The following HPSE2 variants were observed in gnomAD, a reference collection of about 807,000 sequenced individuals.
The protein encoded by HPSE2 is inactive heparanase-2.
A neutral mutation model predicts 60.5 loss-of-function variants in HPSE2; 38 were observed. The ratio of observed to expected loss-of-function variants is 0.63; its 90% CI spans 0.48 to 0.82. HPSE2 has a LOEUF of 0.82. Among genes scored for constraint, HPSE2 ranks in the 40% least tolerant of loss-of-function variants. HPSE2 has a pLI of 0.00. For synonymous variants in HPSE2, 295 were observed against 293.2 expected (o/e 1.01, Z -0.06); for missense variants, 713 against 740.4 (o/e 0.96, Z 0.43).
At chr10:99,244,921 C>A in the HPSE2 span, among the ~76,000 whole-genome samples, 1 of 151,900 alleles carries the variant, frequency 6.6e-6, no homozygotes, top group Non-Finnish European at 1.5e-5. Context: ...ATAAGCAGAT[C>A]CAAGAACTTC....
chr10:99,310,487 G>A, the HPSE2 span, among the ~76,000 whole-genome samples: 2 of 152,138 alleles, frequency 1.3e-5, no homozygotes, highest in Admixed American at 1.3e-4. Context: ...ATTGTAAAGT[G>A]TAAATAGTTA....
Position 99,235,608 on chromosome 10 carries a change from C to T in HPSE2, c.195G>A (p.Val65=), listed in dbSNP as rs958344183. The change falls in exon 1 of 12, where the codon GTG becomes GTA. Residue 65 remains valine, a synonymous_variant. Transcript: ENST00000370552. ...LKEKTLILLD[V]STKNPVRTVN... The stretch of plus-strand genomic sequence containing the variant: ...CTGTCCTGACTGGGTTCTTGGTGCT[C>T]ACATCAAGTAGAATCAGGGTCTTTT... 3.1e-6 allele frequency: 5 copies of T among 1,613,894 alleles called. No individual in the cohort carries two copies. The African/African-American group carries it at 4.0e-5, about 13-fold the overall frequency.
At chr10:98,482,574 G>A (rs1238860393) in intron 11 of HPSE2, 62 bp downstream of exon 11, 1 of 1,604,770 alleles carries the variant, frequency 6.2e-7, no homozygotes, top group Admixed American at 1.7e-5. Flanking sequence ...GGTGTCTTCA[G>A]CCTCCCCCTC....
At chr10:98,639,249 G>A (rs960157431) in intron 7 of HPSE2, among the ~76,000 whole-genome samples, 1 of 152,150 alleles carries the variant, frequency 6.6e-6, no homozygotes, top group Non-Finnish European at 1.5e-5. Context: ...CAGATATCAT[G>A]GAGCAGAGAC....
At chr10:98,556,254 G>C (rs1311268202) in intron 9 of HPSE2, among the ~76,000 whole-genome samples, 1 of 152,186 alleles carries the variant, frequency 6.6e-6, no homozygotes, top group African/African-American at 2.4e-5. Flanking sequence ...CCAGAGCACA[G>C]GACATGCAAA....
the HPSE2 span, among the ~76,000 whole-genome samples, chr10:99,275,463 C>T: frequency 6.6e-6 from 1 of 152,064 alleles, no homozygotes; most frequent in Non-Finnish European, 1.5e-5. Flanking sequence ...GGGAATATTA[C>T]TAATAAGTAA....
chr10:98,740,108 G>T (rs1278646552), intron 4 of HPSE2, among the ~76,000 whole-genome samples: 1 of 151,810 alleles, frequency 6.6e-6, no homozygotes, highest in Non-Finnish European at 1.5e-5. Flanking sequence ...TCCAAAGAAA[G>T]TAATTGTAAA....
At chr10:99,095,409 T>C (rs1843686924) in intron 3 of HPSE2, among the ~76,000 whole-genome samples, 1 of 152,234 alleles carries the variant, frequency 6.6e-6, no homozygotes, top group Admixed American at 6.5e-5. Flanking sequence ...TTCAGTGGGA[T>C]GGAATTCTGC....
chr10:98,504,422 T>C (rs971090448), intron 9 of HPSE2, among the ~76,000 whole-genome samples: 1 of 152,186 alleles, frequency 6.6e-6, no homozygotes, highest in Non-Finnish European at 1.5e-5. Context: ...GTGTTTTCCA[T>C]ATACAGCAGA....
At chr10:98,918,138 A>G (rs961809909) in intron 3 of HPSE2, among the ~76,000 whole-genome samples, 22 of 152,220 alleles carry the variant, frequency 1.4e-4, no homozygotes, top group African/African-American at 5.1e-4. Flanking sequence ...TAAAAGCATC[A>G]ACAATAACAA....
the HPSE2 span, among the ~76,000 whole-genome samples, chr10:99,311,435 T>A: frequency 6.6e-6 from 1 of 152,250 alleles, no homozygotes; most frequent in Non-Finnish European, 1.5e-5. Flanking sequence ...TTGTTAATAT[T>A]TCAAGCTTTT....
intron 9 of HPSE2, among the ~76,000 whole-genome samples, chr10:98,563,498 A>G (rs2133880101): frequency 6.6e-6 from 1 of 152,330 alleles, no homozygotes; most frequent in South Asian, 2.1e-4. Context: ...TTATTGTACA[A>G]TTCTGTAACT....
intron 3 of HPSE2, among the ~76,000 whole-genome samples, chr10:98,882,444 T>C (rs58403127): frequency 0.019 from 2,889 of 152,112 alleles, 100 homozygotes; most frequent in East Asian, 0.15. Context: ...TGGATATGGC[T>C]GAAATAGGCT....
rs144103336 is a variant in HPSE2 at position 98,535,162 on chromosome 10, C to T, written c.1321-44966G>A. On this transcript the variant is annotated intron_variant, in intron 9 of 11. Transcript: ENST00000370552. ...CGTCTTCTCAAAGCAGATTTCTTAGCTTTTAGATAATAATGAACAATTTTA... is the reference window on the plus strand; with the variant it reads ...CGTCTTCTCAAAGCAGATTTCTTAGTTTTTAGATAATAATGAACAATTTTA... 4.4e-3 allele frequency among the ~76,000 whole-genome samples: 676 copies of T among 152,204 alleles called. 7 individuals carry two copies. The highest frequency in any genetic ancestry group is 0.015 in the African/African-American group (637 of 41,526).
chr10:98,989,241 C>G (rs866535002), intron 3 of HPSE2, among the ~76,000 whole-genome samples: 2 of 152,142 alleles, frequency 1.3e-5, no homozygotes, highest in Non-Finnish European at 2.9e-5. Context: ...GACTTGGAAC[C>G]AACCCAAATG....
In HPSE2 at chr10:98,611,072, G is replaced by A. The variant is rs540898636; in HGVS notation, c.1320+3832C>T. Among the ~76,000 whole-genome samples the A allele has an allele frequency of 2.6e-5, 4 of 151,548 alleles. No homozygotes were observed. In the South Asian group the frequency reaches 6.2e-4, roughly 24 times the overall value. On this transcript the variant is annotated intron_variant, in intron 9 of 11. Coordinates refer to ENST00000370552, the MANE Select transcript of HPSE2 (RefSeq NM_021828.5). ...ACTGACCAGCTGTGGAGACTCACACGTCCCCATTTTCCCAGTGTTGGGGGG... is the reference window on the plus strand; with the variant it reads ...ACTGACCAGCTGTGGAGACTCACACATCCCCATTTTCCCAGTGTTGGGGGG...
intron 3 of HPSE2, chr10:99,013,597 G>A (rs886075272): frequency 3.4e-5 from 8 of 236,638 alleles, no homozygotes; most frequent in African/African-American, 7.1e-5. Flanking sequence ...TCAGCCTCCC[G>A]AGTAGCTGGT....
intron 5 of HPSE2, among the ~76,000 whole-genome samples, chr10:98,696,760 C>T (rs1380008064): frequency 2.6e-5 from 4 of 152,158 alleles, no homozygotes; most frequent in Non-Finnish European, 5.9e-5. Flanking sequence ...ACTCTGGGAC[C>T]CATAGCTGCC....
At chr10:98,895,378 T>C (rs1564638870) in intron 3 of HPSE2, among the ~76,000 whole-genome samples, 1 of 152,196 alleles carries the variant, frequency 6.6e-6, no homozygotes, top group Admixed American at 6.5e-5. Context: ...CACAGTAGAA[T>C]AAATTTTCTT....
Sources: allele counts gnomAD v4.1 joint callset (sites outside exome capture counted in the v4.1 genomes callset), GRCh38; gene constraint gnomAD v4.1.1; transcripts MANE v1.5; gene names NCBI Gene and HGNC (gene_info 2026-07-23, HGNC 2026-07-21).